STK38: variants seen among roughly 807,000 people sequenced by gnomAD.
STK38 encodes serine/threonine kinase 38.
Under a neutral mutation model 59.0 loss-of-function variants are expected in STK38, and 26 were observed. The observed-to-expected ratio is 0.44, with a 90% CI of 0.32 to 0.61. STK38 has a LOEUF of 0.61. Ranked by LOEUF, STK38 falls within the 20% of genes least tolerant of loss-of-function variation. The pLI, the probability that STK38 is intolerant of heterozygous loss-of-function variation, is 0.04. For synonymous variants in STK38, 175 were observed against 176.6 expected, an observed-to-expected ratio of 0.99 and a Z score of 0.07; for missense variants, 433 against 566.0, an observed-to-expected ratio of 0.76 and a Z score of 2.38.
chr6:36,504,355 C>T (rs1256075239), intron 9 of STK38, among the ~76,000 whole-genome samples: 1 of 152,026 alleles, frequency 6.6e-6, no homozygotes, highest in Non-Finnish European at 1.5e-5. Flanking sequence ...TTAGTGATTC[C>T]CAATGGACTA....
At chr6:36,518,707 G>A (rs369989372) in intron 5 of STK38, among the ~76,000 whole-genome samples, 2 of 152,214 alleles carry the variant, frequency 1.3e-5, no homozygotes, top group East Asian at 1.9e-4. Context: ...ATAGGTGTGT[G>A]CCACCATGCC....
chr6:36,515,475 A>T lies in STK38; in HGVS notation c.532T>A (p.Leu178Met), dbSNP rs1462177432. Residue 178 changes from leucine (L) to methionine (M), a missense_variant, in exon 7 of 14, where the codon TTG becomes ATG. This residue lies in a region of STK38 where 293 missense variants were observed against 388.2 expected (regional missense o/e 0.75). Coordinates refer to ENST00000229812, the MANE Select transcript of STK38 (RefSeq NM_007271.4). ...TCTGTCAGAGTGTCTTTTTTCATCA[A>T]CAAGGTCATCATGTCCCCTGGAAAC... ...FLPGGDMMTL[L>M]MKKDTLTEEE... is the part of the protein sequence containing the mutation. 2 of 1,613,608 alleles carry T rather than the reference A, an allele frequency of 1.2e-6. No individual in the cohort carries two copies. The highest frequency in any genetic ancestry group is 4.5e-5 in the East Asian group (2 of 44,882).
chr6:36,517,868 C>A, intron 5 of STK38, 28 bp from the exon 6 acceptor site: 1 of 1,610,436 alleles, frequency 6.2e-7, no homozygotes. Context: ...TGATTAATGA[C>A]AAAGCTTGCT....
At chr6:36,519,141 T>C (rs974609183) in intron 5 of STK38, among the ~76,000 whole-genome samples, 1 of 152,194 alleles carries the variant, frequency 6.6e-6, no homozygotes, top group African/African-American at 2.4e-5. Context: ...ACTAAAATCA[T>C]TCTTTGGGGA....
rs556599840 is a variant in STK38 at position 36,525,466 on chromosome 6, T to C, written c.183+125A>G. The C allele has an allele frequency of 1.6e-5, 12 of 747,160 alleles. No individual in the cohort carries two copies. The East Asian group carries it at 3.3e-4, about 20-fold the overall frequency. 46.3% of individuals were successfully genotyped at this position (747,160 alleles called of 1,614,324 possible). ...TTAACACCCAAATCCGGAAGCACACTACCCCTCAAGTTCCTCTGTTATTGA... is the reference window on the plus strand; with the variant it reads ...TTAACACCCAAATCCGGAAGCACACCACCCCTCAAGTTCCTCTGTTATTGA... On this transcript the variant is annotated intron_variant, in intron 3 of 13. Coordinates refer to ENST00000229812, the MANE Select transcript of STK38 (RefSeq NM_007271.4).
In STK38 at chr6:36,506,301, T is replaced by C. The variant is rs530347783; in HGVS notation, c.834+282A>G. Among the ~76,000 whole-genome samples, 100 of 152,052 alleles carry C rather than the reference T, an allele frequency of 6.6e-4. No individual in the cohort carries two copies. In the Middle Eastern group the frequency reaches 0.01, roughly 16 times the overall value. On this transcript the variant is annotated intron_variant, in intron 9 of 13. Transcript: ENST00000229812. ...TATAACCCCTTTACCACTATGAAAA[T>C]GGAGAAAAGGTGGGGCAGGAAGGAA...
chr6:36,533,596 C>T (rs1777720921), intron 2 of STK38, among the ~76,000 whole-genome samples: 1 of 152,172 alleles, frequency 6.6e-6, no homozygotes, highest in South Asian at 2.1e-4. Flanking sequence ...GTGTTAATCA[C>T]AATGTATCAT....
intron 2 of STK38, among the ~76,000 whole-genome samples, chr6:36,527,009 T>C (rs760716125): frequency 5.1e-4 from 78 of 151,502 alleles, no homozygotes; most frequent in Non-Finnish European, 9.6e-4. Context: ...CTGGCCAACA[T>C]AGTAAAACCC....
At chr6:36,511,760 T>A (rs116413447) in intron 7 of STK38, among the ~76,000 whole-genome samples, 17,577 of 151,672 alleles carry the variant, frequency 0.12, 1,199 homozygotes, top group Admixed American at 0.22. Context: ...AAGAAAGGAC[T>A]AAGAAAAACT....
chr6:36,501,920 G>A (rs1776850441), intron 9 of STK38, among the ~76,000 whole-genome samples: 1 of 151,996 alleles, frequency 6.6e-6, no homozygotes, highest in Non-Finnish European at 1.5e-5. Flanking sequence ...TACCTTCTTG[G>A]GCACTGTGCA....
intron 6 of STK38, among the ~76,000 whole-genome samples, chr6:36,517,376 A>G (rs893636499): frequency 6.6e-6 from 1 of 152,212 alleles, no homozygotes; most frequent in African/African-American, 2.4e-5. Flanking sequence ...TATAGCTTCA[A>G]TGTTGTCACT....
In STK38 at chr6:36,496,632, T is replaced by G. The variant is rs1445039435; in HGVS notation, c.1267+79A>C. On this transcript the variant is annotated intron_variant, in intron 13 of 13. Coordinates refer to ENST00000229812, the MANE Select transcript of STK38 (RefSeq NM_007271.4). ...AAATTCCTCTCCATGTTCACTACCC[T>G]GATTTGTAAACATCATCCCAAAATT... The G allele has an allele frequency of 4.8e-6, 5 of 1,042,738 alleles. No individual in the cohort carries two copies. The Admixed American group carries it at 7.2e-5, about 15-fold the overall frequency. The allele number at this position is 1,042,738 out of a possible 1,614,324, so 64.6% of individuals were successfully genotyped here. A position where few individuals can be genotyped will look rare whatever the true frequency, so the allele number is the denominator to read the frequency against.
intron 2 of STK38, among the ~76,000 whole-genome samples, chr6:36,530,666 C>CT (rs1357758836): frequency 3.4e-4 from 50 of 149,048 alleles, no homozygotes; most frequent in African/African-American, 9.4e-4. Context: ...CACACCCGGC[C>CT]TTTTTCCTTT....
rs1038160903 is a variant in STK38 at position 36,517,486 on chromosome 6, G to A, written c.514+231C>T. Among the ~76,000 whole-genome samples, 4 of 152,180 alleles carry A rather than the reference G, an allele frequency of 2.6e-5. No homozygotes were observed. The East Asian group carries it at 7.7e-4, about 29-fold the overall frequency. ...AAAAAGAAGAAGAAAAGAAAGAAATGTCCATCTGAAATCATGTAAATGAAT... is the reference window on the plus strand; with the variant it reads ...AAAAAGAAGAAGAAAAGAAAGAAATATCCATCTGAAATCATGTAAATGAAT... On this transcript the variant is annotated intron_variant, in intron 6 of 13. Coordinates refer to ENST00000229812, the MANE Select transcript of STK38 (RefSeq NM_007271.4).
At chr6:36,496,487 C>T (rs982965942) in intron 13 of STK38, among the ~76,000 whole-genome samples, 12 of 152,128 alleles carry the variant, frequency 7.9e-5, no homozygotes, top group Non-Finnish European at 1.6e-4. Context: ...ATTTTTGTGA[C>T]TTACTCACCC....
At chr6:36,542,423 T>TGAGGAAACACAAGAA (rs1292010105) in intron 1 of STK38, among the ~76,000 whole-genome samples, 2 of 152,202 alleles carry the variant, frequency 1.3e-5, no homozygotes, top group African/African-American at 2.4e-5. Context: ...TTTCCTCATT[T>TGAGGAAACACAAGAA]TACACAAGAA....
chr6:36,519,257 T>C (rs181705392), intron 5 of STK38, among the ~76,000 whole-genome samples: 2 of 152,332 alleles, frequency 1.3e-5, no homozygotes, highest in African/African-American at 4.8e-5. Flanking sequence ...GAAACAGTGC[T>C]ATGAAACACA....
intron 7 of STK38, among the ~76,000 whole-genome samples, chr6:36,508,969 C>T (rs905622351): frequency 6.6e-6 from 1 of 152,348 alleles, no homozygotes; most frequent in African/African-American, 2.4e-5. Flanking sequence ...TGCCAGAAAC[C>T]GCAGAGCCCT....
At chr6:36,516,239 A>C (rs984066530) in intron 6 of STK38, among the ~76,000 whole-genome samples, 5 of 152,244 alleles carry the variant, frequency 3.3e-5, no homozygotes, top group Non-Finnish European at 5.9e-5. Flanking sequence ...TAACCTCGTT[A>C]GTTTTCTGCA....
Sources: gnomAD v4.1 joint callset for allele counts (sites outside exome capture counted in the v4.1 genomes callset) on GRCh38, gnomAD v4.1.1 for gene constraint, gnomAD v4.1.1 regional missense constraint, MANE v1.5 for transcripts, NCBI Gene and HGNC (gene_info 2026-07-23, HGNC 2026-07-21) for gene names.